Variants in EYS observed in about 807,000 individuals in gnomAD.
The protein encoded by EYS is EGF-like photoreceptor maintenance factor.
A neutral mutation model predicts 282.1 loss-of-function variants in EYS; 250 were observed. The observed-to-expected ratio is 0.89, with a 90% CI of 0.80 to 0.98. The LOEUF is 0.98. Among genes scored for constraint, EYS ranks in the 50% least tolerant of loss-of-function variants. EYS has a pLI of 0.00. For missense variants in EYS, 4,016 were observed against 3,709.0 expected, an observed-to-expected ratio of 1.08 and a Z score of -2.15; for synonymous variants, 1,355 against 1,282.9, an observed-to-expected ratio of 1.06 and a Z score of -1.20.
chr6:64,246,018 C>CAAAAAAAAAAAAAAAAA (rs60121734), intron 30 of EYS, among the ~76,000 whole-genome samples: 3 of 56,212 alleles, frequency 5.3e-5, no homozygotes, highest in Admixed American at 3.4e-4. Flanking sequence ...AACTCCGTCT[C>CAAAAAAAAAAAAAAAAA]AAAAAAAAAA....
Position 64,724,677 on chromosome 6 carries a change from A to G in EYS, c.3443+88701T>C, listed in dbSNP as rs1429936772. On this transcript the variant is annotated intron_variant, in intron 22 of 42. Transcript: ENST00000503581. ...TTAGAAAGGTATCAGAATAACTTCAAAATGAATTCAGTATTTTTATGTATT... is the reference window on the plus strand; with the variant it reads ...TTAGAAAGGTATCAGAATAACTTCAGAATGAATTCAGTATTTTTATGTATT... 2.6e-5 allele frequency among the ~76,000 whole-genome samples: 4 copies of G among 152,220 alleles called. No individual in the cohort carries two copies. The East Asian group carries it at 7.7e-4, about 29-fold the overall frequency.
chr6:63,772,647 G>T (rs1452014896), intron 40 of EYS, among the ~76,000 whole-genome samples: 1 of 151,842 alleles, frequency 6.6e-6, no homozygotes, highest in Non-Finnish European at 1.5e-5. Context: ...TTTCTGCTTG[G>T]TTATGCTACC....
At chr6:65,222,377 T>A (rs2150260252) in intron 12 of EYS, among the ~76,000 whole-genome samples, 1 of 152,274 alleles carries the variant, frequency 6.6e-6, no homozygotes, top group Admixed American at 6.5e-5. Flanking sequence ...ATAAGTCTCA[T>A]GAGAACTGAT....
At chr6:65,267,844 A>G (rs1767799075) in intron 12 of EYS, among the ~76,000 whole-genome samples, 1 of 151,910 alleles carries the variant, frequency 6.6e-6, no homozygotes, top group Non-Finnish European at 1.5e-5. Flanking sequence ...TTTCTATCCA[A>G]TTTCTTCAAA....
intron 29 of EYS, among the ~76,000 whole-genome samples, chr6:64,333,392 G>A (rs1255482709): frequency 2.0e-5 from 3 of 152,040 alleles, no homozygotes; most frequent in African/African-American, 4.8e-5. Context: ...TAAAACTCTA[G>A]GACAAGAAAA....
intron 13 of EYS, among the ~76,000 whole-genome samples, chr6:65,021,722 A>C (rs1772258810): frequency 6.6e-6 from 1 of 152,212 alleles, no homozygotes; most frequent in Non-Finnish European, 1.5e-5. Context: ...CATGCTAATA[A>C]AGACATAATT....
intron 2 of EYS, among the ~76,000 whole-genome samples, chr6:65,538,813 T>C (rs1768055497): frequency 6.6e-6 from 1 of 152,190 alleles, no homozygotes; most frequent in South Asian, 2.1e-4. Context: ...TGATCTGGCA[T>C]CCTGCTAAGT....
At chr6:64,570,779 T>A (rs535383874) in intron 26 of EYS, among the ~76,000 whole-genome samples, 8 of 152,276 alleles carry the variant, frequency 5.3e-5, no homozygotes, top group African/African-American at 1.9e-4. Flanking sequence ...ACCAGATCCA[T>A]AAAGCAAGTT....
rs560177481 is a variant in EYS at position 64,657,494 on chromosome 6, G to T, written c.3444-31249C>A. Among the ~76,000 whole-genome samples the T allele has an allele frequency of 6.8e-4, 103 of 152,306 alleles. No homozygotes were observed. In the South Asian group the frequency reaches 0.02, roughly 29 times the overall value. On this transcript the variant is annotated intron_variant, in intron 22 of 42. Transcript: ENST00000503581. The stretch of plus-strand genomic sequence containing the variant: ...GCATGTTTTTGCAGTGGCTGGTACT[G>T]GTTGTTCCTTTCCAAGTTTAGTGCT...
chr6:63,874,708 G>A (rs1422962891), intron 35 of EYS, among the ~76,000 whole-genome samples: 4 of 152,074 alleles, frequency 2.6e-5, no homozygotes, highest in Admixed American at 6.6e-5. Flanking sequence ...GTTGGATTCC[G>A]AGATATTTTA....
chr6:64,138,360 G>T (rs1424359183), intron 31 of EYS, among the ~76,000 whole-genome samples: 2 of 152,176 alleles, frequency 1.3e-5, no homozygotes, highest in African/African-American at 2.4e-5. Context: ...AAGATATTGG[G>T]AAAGGAGGGT....
intron 12 of EYS, among the ~76,000 whole-genome samples, chr6:65,292,229 A>T (rs2150283841): frequency 6.6e-6 from 1 of 151,850 alleles, no homozygotes; most frequent in Non-Finnish European, 1.5e-5. Context: ...GCAATTACAT[A>T]AGATATAAAA....
intron 7 of EYS, among the ~76,000 whole-genome samples, chr6:65,393,489 T>A (rs904589245): frequency 2.0e-5 from 3 of 152,176 alleles, no homozygotes; most frequent in Non-Finnish European, 4.4e-5. Context: ...CATGCAAATA[T>A]GTGATTGCTA....
chr6:65,328,810 C>A (rs1292277236), intron 11 of EYS, among the ~76,000 whole-genome samples: 5 of 150,752 alleles, frequency 3.3e-5, no homozygotes, highest in Non-Finnish European at 6.0e-5. Context: ...TAAAATTATT[C>A]CTTTACACAT....
At chr6:64,596,471 T>A (rs12664628) in intron 24 of EYS, among the ~76,000 whole-genome samples, 15,358 of 152,158 alleles carry the variant, frequency 0.1, 925 homozygotes, top group East Asian at 0.17. Flanking sequence ...TTATACTATG[T>A]AGCTACAGTA....
intron 2 of EYS, among the ~76,000 whole-genome samples, chr6:65,613,856 A>AT (rs933271191): frequency 4.5e-4 from 69 of 151,864 alleles, no homozygotes; most frequent in African/African-American, 1.6e-3. Flanking sequence ...TTCAAACCTA[A>AT]TTTTTTTATG....
intron 30 of EYS, among the ~76,000 whole-genome samples, chr6:64,260,822 T>G (rs1767561055): frequency 6.6e-6 from 1 of 152,064 alleles, no homozygotes; most frequent in South Asian, 2.1e-4. Flanking sequence ...GTTTAATTTT[T>G]AATTTTTAAA....
intron 12 of EYS, among the ~76,000 whole-genome samples, chr6:65,207,028 A>T (rs1766053178): frequency 6.6e-6 from 1 of 151,862 alleles, no homozygotes; most frequent in South Asian, 2.1e-4. Flanking sequence ...TAGCTAGAGC[A>T]ATCAGGCAAG....
chr6:64,314,208 A>AAAAAAAAAC (rs1769843976), intron 29 of EYS, among the ~76,000 whole-genome samples: 1 of 148,994 alleles, frequency 6.7e-6, no homozygotes, highest in Non-Finnish European at 1.5e-5. Flanking sequence ...AAAAAAAAAA[A>AAAAAAAAAC]AAAAAAAAAA....
Sources: allele counts gnomAD v4.1 joint callset (sites outside exome capture counted in the v4.1 genomes callset), GRCh38; gene constraint gnomAD v4.1.1; transcripts MANE v1.5; gene names NCBI Gene and HGNC (gene_info 2026-07-23, HGNC 2026-07-21).